COLGALT2: variants seen among roughly 807,000 people sequenced by gnomAD.
COLGALT2 encodes procollagen galactosyltransferase 2.
Under a neutral mutation model 73.4 loss-of-function variants are expected in COLGALT2, and 49 were observed. The ratio of observed to expected loss-of-function variants is 0.67; its 90% CI spans 0.53 to 0.85. COLGALT2 has a LOEUF of 0.85. Among genes scored for constraint, COLGALT2 ranks in the 40% least tolerant of loss-of-function variants. The pLI is 0.00. For synonymous variants in COLGALT2, 295 were observed against 307.6 expected (o/e 0.96, Z 0.43); for missense variants, 722 against 790.2 (o/e 0.91, Z 1.03).
intron 1 of COLGALT2, 141 bp downstream of exon 1, chr1:184,036,954 G>A (rs983907428): frequency 4.5e-6 from 3 of 673,688 alleles, no homozygotes; most frequent in East Asian, 4.2e-5. Flanking sequence ...CAGCGAGGGG[G>A]TGTGTGCGCC....
chr1:183,941,772 T>G (rs1254862258), intron 10 of COLGALT2, among the ~76,000 whole-genome samples: 1 of 152,212 alleles, frequency 6.6e-6, no homozygotes, highest in Non-Finnish European at 1.5e-5. Context: ...AGTCTGAGCT[T>G]CTCTCGTGTC....
chr1:184,029,253 T>C (rs1649428074), intron 1 of COLGALT2, among the ~76,000 whole-genome samples: 1 of 152,240 alleles, frequency 6.6e-6, no homozygotes, highest in Non-Finnish European at 1.5e-5. Flanking sequence ...TTTATGAACA[T>C]TAATGCACAG....
Position 184,037,713 on chromosome 1 carries a change from T to G in COLGALT2, c.-356A>C. The G allele has an allele frequency of 1.0e-6, 1 of 968,364 alleles. No individual in the cohort carries two copies. The highest frequency in any genetic ancestry group is 1.2e-6 in the Non-Finnish European group (1 of 811,054). The allele number at this position is 968,364 out of a possible 1,614,324, so 60.0% of individuals were successfully genotyped here. A position where few individuals can be genotyped will look rare whatever the true frequency, so the allele number is the denominator to read the frequency against. On this transcript the variant is annotated 5_prime_UTR_variant, in exon 1 of 12. Transcript: ENST00000361927. ...TACAGCTGAGGTCTGTGGCCTTCCC[T>G]AGAGCCGCGAGTTGTGGCCCTGTCT...
At chr1:184,001,569 C>A (rs1311583129) in intron 1 of COLGALT2, among the ~76,000 whole-genome samples, 1 of 152,092 alleles carries the variant, frequency 6.6e-6, no homozygotes, top group Non-Finnish European at 1.5e-5. Flanking sequence ...TTTTTTAACT[C>A]TATTTTCCAG....
intron 10 of COLGALT2, among the ~76,000 whole-genome samples, chr1:183,942,613 C>T (rs1670146520): frequency 6.6e-6 from 1 of 152,132 alleles, no homozygotes; most frequent in Admixed American, 6.5e-5. Context: ...TGTAATGTGG[C>T]AATCATGAAC....
At chr1:184,027,256 C>T (rs1315724542) in intron 1 of COLGALT2, among the ~76,000 whole-genome samples, 1 of 152,176 alleles carries the variant, frequency 6.6e-6, no homozygotes, top group East Asian at 1.9e-4. Context: ...AGTATGCCAA[C>T]TTTCCAAACT....
chr1:183,953,636 T>C (rs1670473236), intron 7 of COLGALT2, among the ~76,000 whole-genome samples: 1 of 152,176 alleles, frequency 6.6e-6, no homozygotes, highest in Non-Finnish European at 1.5e-5. Context: ...TCTATAGCCC[T>C]GATCATTTTT....
At chr1:183,993,360 C>G (rs935844054) in intron 1 of COLGALT2, among the ~76,000 whole-genome samples, 1 of 152,178 alleles carries the variant, frequency 6.6e-6, no homozygotes, top group Non-Finnish European at 1.5e-5. Flanking sequence ...CTGGCCAGGA[C>G]AGAGGTTCAA....
At position 183,944,180 on chromosome 1, in the gene COLGALT2, T is replaced by A; in HGVS notation, c.1397+16A>T. On this transcript the variant is annotated intron_variant, in intron 10 of 11. Coordinates refer to ENST00000361927, the MANE Select transcript of COLGALT2 (RefSeq NM_015101.4). ...TGCCTCTCAGAGCCCTCTCGTAAGA[T>A]CATCTTGTCACTCACATCAGTTCCC... 1 of 1,605,302 alleles carries A rather than the reference T, an allele frequency of 6.2e-7. No homozygotes were observed. Among genetic ancestry groups the A allele is most frequent in the Non-Finnish European group, 8.5e-7 (1 of 1,176,660 alleles).
rs536379230 is a variant in COLGALT2, at chr1:183,954,358, A to G, written c.1029+404T>C. 3.2e-4 allele frequency among the ~76,000 whole-genome samples: 48 copies of G among 152,302 alleles called. 1 individual carries two copies. The highest frequency in any genetic ancestry group is 1.1e-3 in the African/African-American group (46 of 41,554). On this transcript the variant is annotated intron_variant, in intron 7 of 11. Transcript: ENST00000361927. Reference sequence around the variant, plus strand: ...TAGTAGAAATAAAAGAAAGCACAGAAAGTTCCAGAATAGTTTCCACTTGCT... The same window carrying G: ...TAGTAGAAATAAAAGAAAGCACAGAGAGTTCCAGAATAGTTTCCACTTGCT...
chr1:184,037,050 G>GC, intron 1 of COLGALT2, 45 bp downstream of exon 1: 1 of 1,393,720 alleles, frequency 7.2e-7, no homozygotes, highest in South Asian at 1.6e-5. Flanking sequence ...TGGGCAGGCC[G>GC]CCCCCGCGTC....
chr1:183,973,698 A>G lies in COLGALT2; in HGVS notation c.545T>C (p.Ile182Thr), dbSNP rs1558320990. Reference protein sequence around the residue: ...LTNPQTLNLLIAENKTIVAPM... With the variant: ...LTNPQTLNLLTAENKTIVAPM... Reference sequence around the variant, plus strand: ...GGCCACAATAGTTTTGTTTTCTGCAATCAGTAGATTGAGGGTCTGTGGATT... The same window carrying G: ...GGCCACAATAGTTTTGTTTTCTGCAGTCAGTAGATTGAGGGTCTGTGGATT... The change falls in exon 4 of 12, where the codon ATT becomes ACT. Residue 182 changes from isoleucine (I) to threonine (T), a missense_variant. Physicochemically the swap from Ile to Thr is moderately conservative, Grantham distance 89. Transcript: ENST00000361927. The G allele has an allele frequency of 5.0e-6, 8 of 1,613,916 alleles. No individual in the cohort carries two copies. Among genetic ancestry groups the G allele is most frequent in the Non-Finnish European group, 5.9e-6 (7 of 1,179,944 alleles).
At chr1:183,935,235 T>C (rs988859499), downstream of COLGALT2, among the ~76,000 whole-genome samples, 15 of 152,356 alleles carry the variant, frequency 9.8e-5, no homozygotes, top group African/African-American at 3.6e-4. Flanking sequence ...ATCTCTGAAA[T>C]AAAACCATCC....
At chr1:183,998,461 C>T (rs1671827691) in intron 1 of COLGALT2, among the ~76,000 whole-genome samples, 2 of 152,072 alleles carry the variant, frequency 1.3e-5, no homozygotes, top group South Asian at 4.1e-4. Flanking sequence ...AAAATGATTT[C>T]CCACTTTATG....
At chr1:183,983,243 A>G (rs1372854282) in intron 1 of COLGALT2, among the ~76,000 whole-genome samples, 1 of 152,104 alleles carries the variant, frequency 6.6e-6, no homozygotes, top group African/African-American at 2.4e-5. Flanking sequence ...TGCAGGGCCA[A>G]TCTCTCCTAC....
At chr1:183,978,670 G>C (rs1450713979) in intron 1 of COLGALT2, 150 bp from the exon 2 acceptor site, 1 of 545,186 alleles carries the variant, frequency 1.8e-6, no homozygotes, top group African/African-American at 1.9e-5. Flanking sequence ...GTCCAAACTA[G>C]ACAATAAATT....
chr1:184,015,564 A>G (rs1397406703), intron 1 of COLGALT2, among the ~76,000 whole-genome samples: 1 of 152,258 alleles, frequency 6.6e-6, no homozygotes, highest in East Asian at 1.9e-4. Flanking sequence ...ATGTTTGCAC[A>G]TCTTCTAATT....
intron 1 of COLGALT2, among the ~76,000 whole-genome samples, chr1:184,022,065 G>T (rs554022016): frequency 3.9e-5 from 6 of 152,270 alleles, no homozygotes; most frequent in Admixed American, 3.9e-4. Context: ...TATCGTCTTA[G>T]GGCTCAAAAA....
intron 1 of COLGALT2, among the ~76,000 whole-genome samples, chr1:184,002,691 G>T (rs1318181921): frequency 6.6e-6 from 1 of 152,080 alleles, no homozygotes; most frequent in African/African-American, 2.4e-5. Context: ...TTGGTACAGT[G>T]AAAAAAGGAC....
Sources: allele counts gnomAD v4.1 joint callset (sites outside exome capture counted in the v4.1 genomes callset), GRCh38; gene constraint gnomAD v4.1.1; transcripts MANE v1.5; gene names NCBI Gene and HGNC (gene_info 2026-07-23, HGNC 2026-07-21).